ZNF229: variants seen among roughly 807,000 people sequenced by gnomAD.
ZNF229 encodes the protein zinc finger protein 229.
A neutral mutation model predicts 11.8 loss-of-function variants in ZNF229; 10 were observed. That is an observed-to-expected ratio of 0.85 (90% CI 0.52 to 1.44). The LOEUF is 1.44. Ranked by LOEUF, ZNF229 falls within the 40% of genes most tolerant of loss-of-function variation. The pLI, the probability that ZNF229 is intolerant of heterozygous loss-of-function variation, is 0.00. For missense variants in ZNF229, 1,045 were observed against 1,015.1 expected, an observed-to-expected ratio of 1.03 and a Z score of -0.40; for synonymous variants, 368 against 374.8, an observed-to-expected ratio of 0.98 and a Z score of 0.21.
chr19:44,436,374 T>C (rs894577800), intron 4 of ZNF229, among the ~76,000 whole-genome samples: 2 of 149,782 alleles, frequency 1.3e-5, no homozygotes, highest in African/African-American at 4.9e-5. Flanking sequence ...CAACAACAAC[T>C]ACAAAAACCA....
At position 44,428,431 on chromosome 19, in the gene ZNF229, G is replaced by T; in HGVS notation, c.2350C>A (p.His784Asn). ...CCAGTGTGGACTCTCTGATGAACATGAAGACAGGAGTTGCGGCCAAAGCCC... is the reference window on the plus strand; with the variant it reads ...CCAGTGTGGACTCTCTGATGAACATTAAGACAGGAGTTGCGGCCAAAGCCC... ...GKGFGRNSCLHVHQRVHTGEK... is the reference protein window; with the variant it reads ...GKGFGRNSCLNVHQRVHTGEK... Residue 784 changes from histidine to asparagine, a missense_variant, in exon 6 of 6, where the codon CAT (histidine) becomes AAT (asparagine). Transcript: ENST00000614049. The T allele has an allele frequency of 6.2e-7, 1 of 1,614,094 alleles. No individual in the cohort carries two copies. Among genetic ancestry groups the T allele is most frequent in the Non-Finnish European group, 8.5e-7 (1 of 1,180,024 alleles).
At chr19:44,431,051 A>G (rs1463913439) in intron 5 of ZNF229, among the ~76,000 whole-genome samples, 1 of 152,136 alleles carries the variant, frequency 6.6e-6, no homozygotes, top group Non-Finnish European at 1.5e-5. Context: ...ATTTAAATGC[A>G]GGAAGCCCAC....
chr19:44,429,048 C>T lies in ZNF229; in HGVS notation c.1733G>A (p.Gly578Glu). ...GTCTGAATTCCGCCGGAAGCCCTTC[C>T]CACACTCACTGCATTTATAGGGTTT... ...GEKPYKCSEC[G>E]KGFRRNSDLH... Residue 578 changes from glycine (G) to glutamate (E), a missense_variant, in exon 6 of 6, where the codon GGG (glycine) becomes GAG (glutamate). Gly to Glu is a moderately conservative substitution (Grantham distance 98). Transcript: ENST00000614049. 1 of 1,613,942 alleles carries T rather than the reference C, an allele frequency of 6.2e-7. No homozygotes were observed. The highest frequency in any genetic ancestry group is 8.5e-7 in the Non-Finnish European group (1 of 1,179,964).
At position 44,438,519 on chromosome 19, in the gene ZNF229, T is replaced by C. The variant is rs531188125; in HGVS notation, c.93+4044A>G. 2.0e-5 allele frequency among the ~76,000 whole-genome samples: 3 copies of C among 152,348 alleles called. No homozygotes were observed. In the South Asian group the frequency reaches 6.2e-4, roughly 32 times the overall value. On this transcript the variant is annotated intron_variant, in intron 4 of 5. Coordinates refer to ENST00000614049, the MANE Select transcript of ZNF229 (RefSeq NM_014518.4). ...AAATAGATATTTGGTCTCTGTGGCA[T>C]ATAACTCCAAAAGCCCTTAGAAACT...
chr19:44,430,097 A>G lies in ZNF229; in HGVS notation c.684T>C (p.His228=), dbSNP rs370550959. ...DDDSFCWISC[H]VDHRFPEIDK... ...CTATTTCAGGGAATCTGTGATCAAC[A>G]TGACAAGATATCCAGCAAAAGCTGT... Residue 228 remains histidine (H), a synonymous_variant, in exon 6 of 6, where the codon CAT becomes CAC. Transcript: ENST00000614049. 6.2e-7 allele frequency: 1 copy of G among 1,614,060 alleles called. No individual in the cohort carries two copies. The highest frequency in any genetic ancestry group is 8.5e-7 in the Non-Finnish European group (1 of 1,180,046).
At position 44,426,588 on chromosome 19, in the gene ZNF229, A is replaced by G. The variant is rs763761898; in HGVS notation, c.*1715T>C. 2 of 152,306 alleles carry G rather than the reference A, an allele frequency of 1.3e-5. No individual in the cohort carries two copies. Among genetic ancestry groups the G allele is most frequent in the East Asian group, 3.8e-4 (2 of 5,196 alleles). 9.4% of individuals were successfully genotyped at this position (152,306 alleles called of 1,614,324 possible). A position where few individuals can be genotyped will look rare whatever the true frequency, so the allele number is the denominator to read the frequency against. ...GCATTGTCATTATCTGTGTGCCTGA[A>G]GATTTCTAGTGGCTTTCCATTGCAT... On this transcript the variant is annotated 3_prime_UTR_variant, in exon 6 of 6. Coordinates refer to ENST00000614049, the MANE Select transcript of ZNF229 (RefSeq NM_014518.4).
At chr19:44,442,792 C>CCCACAAAAA in intron 3 of ZNF229, 22 bp downstream of exon 3, 2 of 1,538,330 alleles carry the variant, frequency 1.3e-6, no homozygotes, top group Non-Finnish European at 1.8e-6. Flanking sequence ...TCCCCCCACC[C>CCCACAAAAA]ACCCCCTCTA....
rs1191172709 is a variant in ZNF229, at chr19:44,428,354, T to C, written c.2427A>G (p.Ser809=). The part of the protein sequence containing the change: ...GVCGKGFSYT[S]GLRNHQRVHL... ...GCACTCTTTGGTGGTTCCGCAGACC[T>C]GAGGTATAACTGAAGCCTTTCCCAC... Residue 809 remains serine (S), a synonymous_variant, in exon 6 of 6, where the codon TCA becomes TCG. Coordinates refer to ENST00000614049, the MANE Select transcript of ZNF229 (RefSeq NM_014518.4). 6 of 1,613,840 alleles carry C rather than the reference T, an allele frequency of 3.7e-6. No homozygotes were observed. The Admixed American group carries it at 1.0e-4, about 27-fold the overall frequency.
chr19:44,445,293 T>C (rs1971984729), intron 2 of ZNF229, among the ~76,000 whole-genome samples: 1 of 150,560 alleles, frequency 6.6e-6, no homozygotes, highest in South Asian at 2.1e-4. Context: ...TTCAGTCTAC[T>C]TCCTACACAG....
At position 44,443,030 on chromosome 19, in the gene ZNF229, G is replaced by T. The variant is rs45610138; in HGVS notation, c.-177-6C>A. 1.5e-6 allele frequency: 1 copy of T among 659,206 alleles called. No individual in the cohort carries two copies. The allele number at this position is 659,206 out of a possible 1,614,324, so 40.8% of individuals were successfully genotyped here. ...GCTTCCCATGGTCAGGGGACCTGTAGGTTCGGGAGGGAACTTTACTTAGTC... is the reference window on the plus strand; with the variant it reads ...GCTTCCCATGGTCAGGGGACCTGTATGTTCGGGAGGGAACTTTACTTAGTC... On this transcript the variant is annotated splice_polypyrimidine_tract_variant and splice_region_variant and intron_variant, in intron 2 of 5. Transcript: ENST00000614049.
Position 44,426,310 on chromosome 19 carries a change from T to TA in ZNF229, c.*1992dup, listed in dbSNP as rs1175450505. 4 of 152,246 alleles carry TA rather than the reference T, an allele frequency of 2.6e-5. No individual in the cohort carries two copies. Among genetic ancestry groups the TA allele is most frequent in the African/African-American group, 7.2e-5 (3 of 41,522 alleles). The allele number at this position is 152,246 out of a possible 1,614,324, so 9.4% of individuals were successfully genotyped here. The stretch of plus-strand genomic sequence containing the variant: ...GGGATTGTTCCATCAGGCTAATTTA[T>TA]AAAAAATAGCTCTACTGTTATTATA... On this transcript the variant is annotated 3_prime_UTR_variant, in exon 6 of 6. Coordinates refer to ENST00000614049, the MANE Select transcript of ZNF229 (RefSeq NM_014518.4).
Position 44,432,345 on chromosome 19 carries a change from C to A in ZNF229, c.115G>T (p.Val39Leu), listed in dbSNP as rs367712470. 6 of 1,613,388 alleles carry A rather than the reference C, an allele frequency of 3.7e-6. No individual in the cohort carries two copies. In the South Asian group the frequency reaches 6.6e-5, roughly 18 times the overall value. ...MSQEPLSFKD[V>L]AVVFTEEELE... ...TCCTCCTCAGTGAAGACCACAGCCA[C>A]GTCCTTGAAGCTCAATGGCTCCTAA... is the stretch of plus-strand genomic sequence containing the variant. The change falls in exon 5 of 6, where the codon GTG becomes TTG. Residue 39 changes from valine (V) to leucine (L), a missense_variant. Coordinates refer to ENST00000614049, the MANE Select transcript of ZNF229 (RefSeq NM_014518.4).
chr19:44,448,418 C>T lies in ZNF229; in HGVS notation c.-375G>A, dbSNP rs143783837. 5.2e-3 allele frequency: 793 copies of T among 152,368 alleles called. 5 individuals are homozygous for T. Among genetic ancestry groups the T allele is most frequent in the Middle Eastern group, 0.01 (3 of 296 alleles). 9.4% of individuals were successfully genotyped at this position (152,368 alleles called of 1,614,324 possible). A position where few individuals can be genotyped will look rare whatever the true frequency, so the allele number is the denominator to read the frequency against. On this transcript the variant is annotated 5_prime_UTR_variant, in exon 1 of 6. It removes an upstream start codon present in the reference 5' UTR. Coordinates refer to ENST00000614049, the MANE Select transcript of ZNF229 (RefSeq NM_014518.4). ...TTCCCATGGCCTGACAGTACAACCGCATGGAGATGCACGTCTCTAAGACGC... is the reference window on the plus strand; with the variant it reads ...TTCCCATGGCCTGACAGTACAACCGTATGGAGATGCACGTCTCTAAGACGC...
Position 44,428,614 on chromosome 19 carries a change from A to G in ZNF229, c.2167T>C (p.Tyr723His). The change falls in exon 6 of 6, where the codon TAT becomes CAT. Residue 723 changes from tyrosine to histidine, a missense_variant. By Grantham distance (83) the Tyr-to-His change is moderately conservative. Transcript: ENST00000614049. ...TCCECGKGFR[Y>H]GSGLLSHKRV... ...TTATGACTAAGGAGACCTGAGCCAT[A>G]TCTGAAACCCTTCCCACATTCACAA... The G allele has an allele frequency of 6.2e-7, 1 of 1,613,842 alleles. No homozygotes were observed. Among genetic ancestry groups the G allele is most frequent in the Non-Finnish European group, 8.5e-7 (1 of 1,179,990 alleles).
intron 4 of ZNF229, among the ~76,000 whole-genome samples, chr19:44,442,359 C>T (rs762912605): frequency 6.6e-6 from 1 of 152,156 alleles, no homozygotes; most frequent in Non-Finnish European, 1.5e-5. Context: ...TACCTGAGTT[C>T]AAATCCTGGA....
Position 44,442,813 on chromosome 19 carries a change from C to A in ZNF229, c.34+1G>T. The A allele has an allele frequency of 1.3e-6, 2 of 1,531,066 alleles. No individual in the cohort carries two copies. Among genetic ancestry groups the A allele is most frequent in the Non-Finnish European group, 1.8e-6 (2 of 1,106,638 alleles). 94.8% of individuals were successfully genotyped at this position (1,531,066 alleles called of 1,614,324 possible). On this transcript the variant is annotated splice_donor_variant, in intron 3 of 5. Transcript: ENST00000614049. LOFTEE classifies it high-confidence loss of function. The stretch of plus-strand genomic sequence containing the variant: ...CACCCACCCCCTCTATTAGCTGTCA[C>A]CTCTTTTCTCATGCCTTGAGGTCAA...
At chr19:44,447,452 T>C (rs532340774) in intron 2 of ZNF229, 61 bp downstream of exon 2, 1 of 152,250 alleles carries the variant, frequency 6.6e-6, no homozygotes, top group African/African-American at 2.4e-5. Context: ...ATCAATGGGA[T>C]GAAGAATGAG....
At chr19:44,435,803 T>C (rs771829154) in intron 4 of ZNF229, among the ~76,000 whole-genome samples, 4 of 152,174 alleles carry the variant, frequency 2.6e-5, no homozygotes, top group South Asian at 2.1e-4. Flanking sequence ...GAGAGAAAAT[T>C]CCACACAGTG....
chr19:44,428,901 G>C lies in ZNF229; in HGVS notation c.1880C>G (p.Pro627Arg). Residue 627 changes from proline to arginine, a missense_variant, in exon 6 of 6, where the codon CCC becomes CGC. Transcript: ENST00000614049. Reference sequence around the variant, plus strand: ...TTTGCCACACTCAGCACATTTATAGGGTTTCTCTCCAGTGTGGACCCTCTG... The same window carrying C: ...TTTGCCACACTCAGCACATTTATAGCGTTTCTCTCCAGTGTGGACCCTCTG... ...IHQRVHTGEK[P>R]YKCAECGKGF... The C allele has an allele frequency of 6.2e-7, 1 of 1,610,976 alleles. No homozygotes were observed. The highest frequency in any genetic ancestry group is 8.5e-7 in the Non-Finnish European group (1 of 1,179,206).
Sources: allele counts gnomAD v4.1 joint callset (sites outside exome capture counted in the v4.1 genomes callset), GRCh38; gene constraint gnomAD v4.1.1; transcripts MANE v1.5; gene names NCBI Gene and HGNC (gene_info 2026-07-23, HGNC 2026-07-21).